TYW1: variants seen among roughly 807,000 people sequenced by gnomAD.
TYW1 encodes S-adenosyl-L-methionine-dependent tRNA 4-demethylwyosine synthase TYW1.
Under a neutral mutation model 96.2 loss-of-function variants are expected in TYW1, and 46 were observed. The ratio of observed to expected loss-of-function variants is 0.48; its 90% CI spans 0.38 to 0.61. TYW1 has a LOEUF of 0.61. Among genes scored for constraint, TYW1 ranks in the 20% least tolerant of loss-of-function variants. TYW1 has a pLI of 0.00. For synonymous variants in TYW1, 274 were observed against 323.0 expected, an observed-to-expected ratio of 0.85 and a Z score of 1.63; for missense variants, 684 against 909.6, an observed-to-expected ratio of 0.75 and a Z score of 3.19.
intron 13 of TYW1, among the ~76,000 whole-genome samples, chr7:67,173,434 T>A (rs1799573856): frequency 6.6e-6 from 1 of 152,348 alleles, no homozygotes; most frequent in East Asian, 1.9e-4. Flanking sequence ...AAAGGCTCGA[T>A]TGACGATATA....
At chr7:67,002,995 T>G (rs2129237378) in intron 3 of TYW1, among the ~76,000 whole-genome samples, 1 of 152,106 alleles carries the variant, frequency 6.6e-6, no homozygotes, top group Admixed American at 6.6e-5. Context: ...GGTCTCAAAC[T>G]CCTAGCCTCA....
At chr7:67,141,334 A>G (rs930383879) in intron 13 of TYW1, among the ~76,000 whole-genome samples, 3 of 152,248 alleles carry the variant, frequency 2.0e-5, no homozygotes, top group Non-Finnish European at 4.4e-5. Context: ...ATAAAAATAA[A>G]AATACATCAT....
intron 7 of TYW1, among the ~76,000 whole-genome samples, chr7:67,032,599 C>T (rs1283622910): frequency 2.6e-5 from 4 of 151,906 alleles, no homozygotes; most frequent in African/African-American, 7.3e-5. Context: ...CCAGTCTGGG[C>T]GATGGGAGTT....
chr7:67,025,593 G>A lies in TYW1; in HGVS notation c.984+571G>A, dbSNP rs1305634142. Among the ~76,000 whole-genome samples, 6 of 152,146 alleles carry A rather than the reference G, an allele frequency of 3.9e-5. 1 individual carries two copies. In the South Asian group the frequency reaches 1.2e-3, roughly 32 times the overall value. The stretch of plus-strand genomic sequence containing the variant: ...TGCTGTATAGACTAAGTGGTGTTGG[G>A]GCTTAAGGATGGCAGCCTGGTCTGT... On this transcript the variant is annotated intron_variant, in intron 7 of 15. Coordinates refer to ENST00000359626, the MANE Select transcript of TYW1 (RefSeq NM_018264.4).
rs780503003 is a variant in TYW1 at position 67,238,442 on chromosome 7, A to G, written c.2112A>G (p.Ala704=). 3.1e-6 allele frequency: 5 copies of G among 1,613,864 alleles called. No homozygotes were observed. The African/African-American group carries it at 4.0e-5, about 13-fold the overall frequency. Reference sequence around the variant, plus strand: ...ATATGGCCAGAACTCCTCACTGGGCATTATTTGGTGCCAGTGAAAGAGGCT... The same window carrying G: ...ATATGGCCAGAACTCCTCACTGGGCGTTATTTGGTGCCAGTGAAAGAGGCT... ...KDYMARTPHW[A]LFGASERGFD... The change falls in exon 16 of 16, where the codon GCA becomes GCG. Residue 704 remains alanine, a synonymous_variant. Coordinates refer to ENST00000359626, the MANE Select transcript of TYW1 (RefSeq NM_018264.4).
intron 10 of TYW1, among the ~76,000 whole-genome samples, chr7:67,081,394 C>T (rs1276776485): frequency 1.0e-4 from 15 of 148,738 alleles, no homozygotes; most frequent in African/African-American, 2.7e-4. Flanking sequence ...TTTGACAGTT[C>T]GACTATAATG....
At chr7:67,081,978 G>A (rs199626603) in intron 10 of TYW1, among the ~76,000 whole-genome samples, 1 of 148,738 alleles carries the variant, frequency 6.7e-6, no homozygotes, top group Non-Finnish European at 1.5e-5. Context: ...CTGTTTTTTT[G>A]TGATATCTAT....
At chr7:67,164,712 G>C (rs1193282548) in intron 13 of TYW1, among the ~76,000 whole-genome samples, 1 of 152,002 alleles carries the variant, frequency 6.6e-6, no homozygotes, top group Non-Finnish European at 1.5e-5. Flanking sequence ...CTCTTTCTGA[G>C]AGTCACATCT....
At chr7:67,007,835 A>T (rs920223417) in intron 3 of TYW1, among the ~76,000 whole-genome samples, 1 of 152,026 alleles carries the variant, frequency 6.6e-6, no homozygotes, top group Non-Finnish European at 1.5e-5. Flanking sequence ...GGGTTTCACC[A>T]TGTTGGTCTG....
At chr7:67,112,573 G>A (rs1797456217) in intron 12 of TYW1, among the ~76,000 whole-genome samples, 1 of 150,966 alleles carries the variant, frequency 6.6e-6, no homozygotes, top group African/African-American at 2.4e-5. Flanking sequence ...CCAAGATCAT[G>A]CCCCTGCACT....
chr7:67,200,140 G>C (rs1462407097), intron 15 of TYW1, among the ~76,000 whole-genome samples: 1 of 152,152 alleles, frequency 6.6e-6, no homozygotes, highest in Non-Finnish European at 1.5e-5. Context: ...ATGGCACCAA[G>C]TGTGCGCCAG....
intron 7 of TYW1, among the ~76,000 whole-genome samples, chr7:67,038,711 C>G (rs1473355247): frequency 1.3e-5 from 2 of 152,108 alleles, no homozygotes; most frequent in Non-Finnish European, 2.9e-5. Flanking sequence ...CGAAACCAAC[C>G]TGGCCAACAT....
intron 13 of TYW1, among the ~76,000 whole-genome samples, chr7:67,146,130 GTTAT>G (rs1440118437): frequency 1.3e-5 from 2 of 152,018 alleles, no homozygotes; most frequent in African/African-American, 4.8e-5. Flanking sequence ...GGGGTTCATA[GTTAT>G]AATCATACTA....
chr7:67,054,389 A>G (rs568101092), intron 8 of TYW1, among the ~76,000 whole-genome samples: 1 of 152,330 alleles, frequency 6.6e-6, no homozygotes, highest in African/African-American at 2.4e-5. Context: ...GAACAGTATA[A>G]TATGGAATTC....
chr7:67,029,383 G>A (rs1169216617), intron 7 of TYW1, among the ~76,000 whole-genome samples: 5 of 80,234 alleles, frequency 6.2e-5, no homozygotes, highest in East Asian at 3.5e-4. Context: ...GTGTGTGTGC[G>A]TGTGTGTGTG....
At chr7:67,193,571 C>T (rs1456896812) in intron 14 of TYW1, among the ~76,000 whole-genome samples, 1 of 152,060 alleles carries the variant, frequency 6.6e-6, no homozygotes, top group East Asian at 1.9e-4. Context: ...CCAGCCTGGC[C>T]AACATGGCGA....
At chr7:67,048,840 A>G (rs1041490066) in intron 7 of TYW1, among the ~76,000 whole-genome samples, 1 of 152,260 alleles carries the variant, frequency 6.6e-6, no homozygotes, top group Non-Finnish European at 1.5e-5. Context: ...CAGCCTGGCC[A>G]ACATGGCGAA....
intron 13 of TYW1, among the ~76,000 whole-genome samples, chr7:67,137,932 ACCTCTT>A (rs924423987): frequency 7.2e-5 from 11 of 152,268 alleles, no homozygotes; most frequent in African/African-American, 2.6e-4. Context: ...CACACCATGC[ACCTCTT>A]CCTCTTGATC....
chr7:67,210,707 C>T (rs1800974651), intron 15 of TYW1, among the ~76,000 whole-genome samples: 1 of 82,532 alleles, frequency 1.2e-5, no homozygotes, highest in Admixed American at 1.2e-4. Flanking sequence ...TCCATCCATC[C>T]ATTCATCATC....
Sources: allele counts gnomAD v4.1 joint callset (sites outside exome capture counted in the v4.1 genomes callset), GRCh38; gene constraint gnomAD v4.1.1; transcripts MANE v1.5; gene names NCBI Gene and HGNC (gene_info 2026-07-23, HGNC 2026-07-21).